Variants in LRBA observed in about 807,000 individuals in gnomAD.
LRBA encodes the protein lipopolysaccharide-responsive and beige-like anchor protein.
Under a neutral mutation model 330.0 loss-of-function variants are expected in LRBA, and 176 were observed. The observed-to-expected ratio is 0.53, with a 90% CI of 0.47 to 0.60. The LOEUF (loss-of-function observed/expected upper bound fraction) is 0.60, where lower values mean the gene tolerates loss of function less well. Ranked by LOEUF, LRBA falls within the 20% of genes least tolerant of loss-of-function variation. LRBA has a pLI of 0.00. For missense variants in LRBA, 3,259 were observed against 3,444.8 expected, an observed-to-expected ratio of 0.95 and a Z score of 1.35; for synonymous variants, 1,230 against 1,193.0, an observed-to-expected ratio of 1.03 and a Z score of -0.64.
At chr4:150,293,907 G>A (rs1463871417) in intron 53 of LRBA, among the ~76,000 whole-genome samples, 2 of 152,108 alleles carry the variant, frequency 1.3e-5, no homozygotes, top group Non-Finnish European at 2.9e-5. Flanking sequence ...TTCTCCTTAC[G>A]ATTTTCTTAA....
rs571436464 is a variant in LRBA, at chr4:150,436,580, T to C, written c.6921+144A>G. 73 of 629,214 alleles carry C rather than the reference T, an allele frequency of 1.2e-4. No homozygotes were observed. In the African/African-American group the frequency reaches 1.2e-3, roughly 10 times the overall value. 39.0% of individuals were successfully genotyped at this position (629,214 alleles called of 1,614,324 possible). Reference sequence around the variant, plus strand: ...TTAAGGCAATACAAGCCAAATGAGATAGAGATATTTATAATTAGAACTTCA... The same window carrying C: ...TTAAGGCAATACAAGCCAAATGAGACAGAGATATTTATAATTAGAACTTCA... On this transcript the variant is annotated intron_variant, in intron 45 of 56. Coordinates refer to ENST00000651943, the MANE Select transcript of LRBA (RefSeq NM_001364905.1).
chr4:150,984,364 C>T (rs1419666702), intron 2 of LRBA, among the ~76,000 whole-genome samples: 1 of 152,054 alleles, frequency 6.6e-6, no homozygotes, highest in African/African-American at 2.4e-5. Context: ...ACAAAATTAG[C>T]CGGGCATGGT....
At chr4:150,881,887 G>A (rs1475049678) in intron 17 of LRBA, among the ~76,000 whole-genome samples, 2 of 152,124 alleles carry the variant, frequency 1.3e-5, no homozygotes, top group Admixed American at 1.3e-4. Context: ...AGGAGCTCGA[G>A]ACCAGCCAGA....
At chr4:150,500,029 T>G (rs1200543285) in intron 40 of LRBA, among the ~76,000 whole-genome samples, 1 of 152,052 alleles carries the variant, frequency 6.6e-6, no homozygotes, top group Non-Finnish European at 1.5e-5. Context: ...CAGTAATAAG[T>G]TCTAGTGTTC....
intron 40 of LRBA, among the ~76,000 whole-genome samples, chr4:150,553,359 C>G (rs1412101663): frequency 6.6e-6 from 1 of 151,858 alleles, no homozygotes; most frequent in Non-Finnish European, 1.5e-5. Context: ...GGAGATATAC[C>G]TAATGTAAAT....
At chr4:150,342,437 CAA>C (rs1478957832) in intron 48 of LRBA, among the ~76,000 whole-genome samples, 1 of 152,040 alleles carries the variant, frequency 6.6e-6, no homozygotes, top group Non-Finnish European at 1.5e-5. Context: ...GTTGGGGTCA[CAA>C]GATATTTTTT....
intron 2 of LRBA, among the ~76,000 whole-genome samples, chr4:150,950,371 A>T (rs558776697): frequency 6.6e-6 from 1 of 152,264 alleles, no homozygotes; most frequent in East Asian, 1.9e-4. Context: ...GTTTAAAACT[A>T]TAGCATCACA....
At chr4:150,395,439 T>G (rs1321568218) in intron 47 of LRBA, among the ~76,000 whole-genome samples, 1 of 152,168 alleles carries the variant, frequency 6.6e-6, no homozygotes, top group Non-Finnish European at 1.5e-5. Context: ...GTCCTCTCTG[T>G]CATTGTTTTA....
At chr4:150,864,041 G>A (rs1457106424) in intron 22 of LRBA, among the ~76,000 whole-genome samples, 2 of 151,978 alleles carry the variant, frequency 1.3e-5, no homozygotes, top group Non-Finnish European at 2.9e-5. Context: ...GGGTTCAAGC[G>A]ATTCTTCTGT....
At chr4:150,886,988 T>C (rs28546124) in intron 17 of LRBA, among the ~76,000 whole-genome samples, 10 of 152,200 alleles carry the variant, frequency 6.6e-5, no homozygotes, top group Non-Finnish European at 1.3e-4. Context: ...ATTGAAAAAG[T>C]TCTCCAAAAA....
chr4:150,643,173 C>G (rs914873542), intron 37 of LRBA, among the ~76,000 whole-genome samples: 2 of 151,880 alleles, frequency 1.3e-5, no homozygotes, highest in African/African-American at 2.4e-5. Flanking sequence ...AAAAATTGAT[C>G]TGTCATGAAT....
intron 36 of LRBA, among the ~76,000 whole-genome samples, chr4:150,722,347 GA>G (rs1255503060): frequency 6.6e-6 from 1 of 152,068 alleles, no homozygotes; most frequent in African/African-American, 2.4e-5. Flanking sequence ...AGCCAATTAA[GA>G]ACTGAGTCAA....
At chr4:150,586,143 G>A (rs1157509513) in intron 40 of LRBA, among the ~76,000 whole-genome samples, 1 of 151,966 alleles carries the variant, frequency 6.6e-6, no homozygotes, top group African/African-American at 2.4e-5. Flanking sequence ...AAAATGTTCT[G>A]AATTTTAAAA....
chr4:150,635,688 C>T (rs1338568366), intron 37 of LRBA, among the ~76,000 whole-genome samples: 3 of 152,084 alleles, frequency 2.0e-5, no homozygotes, highest in Non-Finnish European at 2.9e-5. Context: ...TTTCTATAAA[C>T]AAGGACTTTG....
chr4:150,863,940 T>G (rs1253049862), intron 22 of LRBA, among the ~76,000 whole-genome samples: 2 of 152,006 alleles, frequency 1.3e-5, no homozygotes, highest in Non-Finnish European at 2.9e-5. Context: ...TATTTATTTA[T>G]TTATTTATTT....
chr4:150,867,222 T>C (rs1752830368), intron 22 of LRBA, among the ~76,000 whole-genome samples: 1 of 152,044 alleles, frequency 6.6e-6, no homozygotes, highest in Non-Finnish European at 1.5e-5. Context: ...CTCATCCACC[T>C]TACGTTGCTA....
intron 2 of LRBA, among the ~76,000 whole-genome samples, chr4:150,941,113 T>C (rs1735625101): frequency 6.6e-6 from 1 of 152,054 alleles, no homozygotes; most frequent in Non-Finnish European, 1.5e-5. Flanking sequence ...AATTAGGTAT[T>C]CTGCTACCTG....
intron 40 of LRBA, among the ~76,000 whole-genome samples, chr4:150,529,611 G>T (rs1763838965): frequency 6.6e-6 from 1 of 152,000 alleles, no homozygotes. Context: ...AGCTACTTGG[G>T]AGGCTGAGGC....
chr4:150,761,426 G>T (rs1476471187), intron 35 of LRBA, among the ~76,000 whole-genome samples: 1 of 151,914 alleles, frequency 6.6e-6, no homozygotes, highest in Admixed American at 6.6e-5. Context: ...ATATAAGAAA[G>T]ATAATATAGA....
Sources: gnomAD v4.1 joint callset for allele counts (sites outside exome capture counted in the v4.1 genomes callset) on GRCh38, gnomAD v4.1.1 for gene constraint, MANE v1.5 for transcripts, NCBI Gene and HGNC (gene_info 2026-07-23, HGNC 2026-07-21) for gene names.